The following SLC35F4 variants were observed in gnomAD, a reference collection of about 807,000 sequenced individuals.
The protein encoded by SLC35F4 is solute carrier family 35 member F4, also known as chromosome 14 open reading frame 36.
Under a neutral mutation model 44.2 loss-of-function variants are expected in SLC35F4, and 24 were observed. The observed-to-expected ratio is 0.54, with a 90% CI of 0.39 to 0.76. The LOEUF is 0.76. Ranked by LOEUF, SLC35F4 falls within the 30% of genes least tolerant of loss-of-function variation. The probability of loss-of-function intolerance (pLI) is 0.00; values close to 1 mark genes in which losing one functional copy is unlikely to be tolerated. For missense variants in SLC35F4, 562 were observed against 586.1 expected (o/e 0.96, Z 0.42); for synonymous variants, 238 against 223.6 (o/e 1.06, Z -0.57).
At chr14:57,668,272 T>C (rs12050281) in intron 1 of SLC35F4, among the ~76,000 whole-genome samples, 67,462 of 146,814 alleles carry the variant, frequency 0.46, 16,063 homozygotes, top group African/African-American at 0.6. Context: ...TTCTCCCATG[T>C]TGTAGGTTGC....
chr14:57,643,608 A>AT (rs929887060), intron 1 of SLC35F4, among the ~76,000 whole-genome samples: 2 of 151,632 alleles, frequency 1.3e-5, no homozygotes, highest in East Asian at 1.9e-4. Flanking sequence ...ATCATTGGTC[A>AT]TTTTTTTTAA....
chr14:57,785,276 G>T (rs1253460386), intron 1 of SLC35F4, among the ~76,000 whole-genome samples: 1 of 152,124 alleles, frequency 6.6e-6, no homozygotes, highest in Non-Finnish European at 1.5e-5. Context: ...GGCAGCTATG[G>T]TATCACACTG....
intron 1 of SLC35F4, among the ~76,000 whole-genome samples, chr14:57,791,303 ACCC>A (rs1407119250): frequency 6.6e-6 from 1 of 152,118 alleles, no homozygotes; most frequent in African/African-American, 2.4e-5. Context: ...AAAACAAACA[ACCC>A]CATCAAAAAA....
At chr14:57,656,191 G>A (rs775227188) in intron 1 of SLC35F4, among the ~76,000 whole-genome samples, 1 of 151,852 alleles carries the variant, frequency 6.6e-6, no homozygotes, top group South Asian at 2.1e-4. Flanking sequence ...ACCACATGAG[G>A]CTACTGGTTT....
intron 1 of SLC35F4, among the ~76,000 whole-genome samples, chr14:57,880,716 G>A (rs1791768170): frequency 6.6e-6 from 1 of 152,136 alleles, no homozygotes; most frequent in Admixed American, 6.6e-5. Context: ...GAGGACACTG[G>A]GCAGATTGTC....
chr14:57,594,212 CAG>C, intron 1 of SLC35F4, 88 bp from the exon 2 acceptor site: 1 of 1,272,332 alleles, frequency 7.9e-7, no homozygotes, highest in Non-Finnish European at 1.1e-6. Context: ...TGTTTGGAAA[CAG>C]GGTCTCACTC....
At chr14:57,799,152 A>C (rs1397249473) in intron 1 of SLC35F4, among the ~76,000 whole-genome samples, 1 of 152,208 alleles carries the variant, frequency 6.6e-6, no homozygotes, top group Non-Finnish European at 1.5e-5. Flanking sequence ...TTGACCCACA[A>C]AGAACAAAGA....
chr14:57,925,440 T>G (rs1264706547), intron 1 of SLC35F4, among the ~76,000 whole-genome samples: 1 of 144,216 alleles, frequency 6.9e-6, no homozygotes, highest in Non-Finnish European at 1.5e-5. Context: ...AGACCGAGAT[T>G]AGGCAAGAAC....
At chr14:57,662,385 C>T (rs1217841033) in intron 1 of SLC35F4, among the ~76,000 whole-genome samples, 1 of 152,132 alleles carries the variant, frequency 6.6e-6, no homozygotes, top group Non-Finnish European at 1.5e-5. Context: ...GAGAGTTGGA[C>T]ATTTAAGAAA....
intron 1 of SLC35F4, among the ~76,000 whole-genome samples, chr14:57,716,197 T>A (rs2075937154): frequency 1.3e-5 from 2 of 152,098 alleles, no homozygotes; most frequent in African/African-American, 4.8e-5. Flanking sequence ...GGACTCTGTC[T>A]CAACTTAAGT....
intron 1 of SLC35F4, among the ~76,000 whole-genome samples, chr14:57,774,225 C>G (rs1200783528): frequency 6.6e-6 from 1 of 152,056 alleles, no homozygotes; most frequent in East Asian, 1.9e-4. Flanking sequence ...AGCTGGAAAC[C>G]CTGCATGGGG....
chr14:57,978,838 G>A (rs1185428620), intron 1 of SLC35F4, among the ~76,000 whole-genome samples: 1 of 152,198 alleles, frequency 6.6e-6, no homozygotes, highest in Non-Finnish European at 1.5e-5. Flanking sequence ...GTCTGAAGCT[G>A]AAACTACCTC....
At chr14:57,961,028 G>A (rs1890329845) in intron 1 of SLC35F4, among the ~76,000 whole-genome samples, 1 of 152,162 alleles carries the variant, frequency 6.6e-6, no homozygotes, top group Non-Finnish European at 1.5e-5. Context: ...TGTGGTGCTG[G>A]CAATGGACCC....
chr14:57,847,068 A>T (rs2140975603), intron 1 of SLC35F4, among the ~76,000 whole-genome samples: 2 of 152,344 alleles, frequency 1.3e-5, no homozygotes, highest in South Asian at 2.1e-4. Flanking sequence ...CTACTATAAT[A>T]TTTCAGTGCA....
At chr14:57,813,096 T>G (rs999708921) in intron 1 of SLC35F4, among the ~76,000 whole-genome samples, 2 of 152,186 alleles carry the variant, frequency 1.3e-5, no homozygotes, top group African/African-American at 4.8e-5. Flanking sequence ...CTATGGAATG[T>G]ACATAAGATT....
intron 1 of SLC35F4, among the ~76,000 whole-genome samples, chr14:57,687,591 T>C (rs958137925): frequency 6.6e-6 from 1 of 152,152 alleles, no homozygotes; most frequent in Non-Finnish European, 1.5e-5. Flanking sequence ...GAGCTAACAC[T>C]TTCCCTCTCT....
At chr14:57,879,316 T>C (rs1888468737) in intron 1 of SLC35F4, among the ~76,000 whole-genome samples, 2 of 152,076 alleles carry the variant, frequency 1.3e-5, no homozygotes, top group Admixed American at 1.3e-4. Context: ...ACACTGCTCT[T>C]GGGGGTCATA....
chr14:57,678,128 G>T (rs140512589), intron 1 of SLC35F4, among the ~76,000 whole-genome samples: 2 of 152,048 alleles, frequency 1.3e-5, no homozygotes, highest in Non-Finnish European at 2.9e-5. Context: ...AGAGAGAATG[G>T]TTGGGGTACC....
intron 4 of SLC35F4, chr14:57,578,883 G>T (rs4901788): frequency 6.6e-6 from 1 of 152,062 alleles, no homozygotes; most frequent in Non-Finnish European, 1.5e-5. Context: ...TACCACAAAC[G>T]TGGTGACTTA....
Sources: allele counts gnomAD v4.1 joint callset (sites outside exome capture counted in the v4.1 genomes callset), GRCh38; gene constraint gnomAD v4.1.1; transcripts MANE v1.5; gene names NCBI Gene and HGNC (gene_info 2026-07-23, HGNC 2026-07-21).